The following CNTLN variants were observed in gnomAD, a reference collection of about 807,000 sequenced individuals.
The protein encoded by CNTLN is centlein, centrosomal protein.
CNTLN carries 212 observed loss-of-function variants against 180.0 expected under a neutral mutation model. That is an observed-to-expected ratio of 1.18 (90% CI 1.05 to 1.32). The LOEUF is 1.32. CNTLN is among the 40% of genes most tolerant of loss of function. The pLI, the probability that CNTLN is intolerant of heterozygous loss-of-function variation, is 0.00. For missense variants in CNTLN, 2,095 were observed against 1,610.9 expected, an observed-to-expected ratio of 1.30 and a Z score of -5.14; for synonymous variants, 722 against 563.1, an observed-to-expected ratio of 1.28 and a Z score of -3.99.
At position 17,430,399 on chromosome 9, in the gene CNTLN, T is replaced by C. The variant is rs116775088; in HGVS notation, c.3114+14210T>C. Reference sequence around the variant, plus strand: ...CTCTCTAGTATTCTGTCACACCCCTTATTTACCCATTTTAAAATTATTGAT... The same window carrying C: ...CTCTCTAGTATTCTGTCACACCCCTCATTTACCCATTTTAAAATTATTGAT... On this transcript the variant is annotated intron_variant, in intron 18 of 25. Transcript: ENST00000380647. 7.2e-3 allele frequency among the ~76,000 whole-genome samples: 1,091 copies of C among 152,178 alleles called. 12 individuals are homozygous for C. Among genetic ancestry groups the C allele is most frequent in the African/African-American group, 0.024 (1,011 of 41,562 alleles).
chr9:17,226,402 G>A (rs1412044128), intron 3 of CNTLN, 115 bp downstream of exon 3: 1 of 510,648 alleles, frequency 2.0e-6, no homozygotes, highest in African/African-American at 2.0e-5. Context: ...GGGTCCTTAT[G>A]TTAAAGCATT....
rs578184415 is a variant in CNTLN at position 17,359,051 on chromosome 9, A to T, written c.1887-7566A>T. ...CCCTCTCTTTTTGAAATAAGGTCTTACTTTGTCACTCCGCTGGAGTGCAGT... is the reference window on the plus strand; with the variant it reads ...CCCTCTCTTTTTGAAATAAGGTCTTTCTTTGTCACTCCGCTGGAGTGCAGT... On this transcript the variant is annotated intron_variant, in intron 12 of 25. Transcript: ENST00000380647. 2.1e-3 allele frequency among the ~76,000 whole-genome samples: 308 copies of T among 145,396 alleles called. 1 individual carries two copies. Among genetic ancestry groups the T allele is most frequent in the African/African-American group, 7.6e-3 (295 of 38,590 alleles).
At chr9:17,302,096 A>G (rs1475756880) in intron 7 of CNTLN, 1 of 954,892 alleles carries the variant, frequency 1.0e-6, no homozygotes, top group Non-Finnish European at 1.2e-6. Flanking sequence ...GTGTACACAC[A>G]CACACACACA....
intron 13 of CNTLN, 135 bp from the exon 14 acceptor site, chr9:17,388,027 C>A: frequency 4.7e-6 from 2 of 423,984 alleles, no homozygotes; most frequent in Non-Finnish European, 4.1e-6. Context: ...TGTTTAGTTA[C>A]TGGCCAAATA....
At chr9:17,177,343 A>G (rs1048537612) in intron 2 of CNTLN, among the ~76,000 whole-genome samples, 4 of 151,954 alleles carry the variant, frequency 2.6e-5, no homozygotes, top group Non-Finnish European at 4.4e-5. Flanking sequence ...CGGGAGGCGG[A>G]GCTTGCAGTG....
chr9:17,139,635 G>A (rs1422546519), intron 1 of CNTLN, among the ~76,000 whole-genome samples: 1 of 151,830 alleles, frequency 6.6e-6, no homozygotes, highest in Non-Finnish European at 1.5e-5. Flanking sequence ...ACTCCAGCCT[G>A]GGCAACAGAG....
rs146284520 is a variant in CNTLN, at chr9:17,248,306, G to C, written c.849+11718G>C. 3.3e-5 allele frequency among the ~76,000 whole-genome samples: 5 copies of C among 151,854 alleles called. No individual in the cohort carries two copies. In the East Asian group the frequency reaches 9.7e-4, roughly 29 times the overall value. ...TCTAGTTGTTATAACAGTTTTAGAG[G>C]GTTTGGTATTCTTCTTCAGAAGTTG... On this transcript the variant is annotated intron_variant, in intron 5 of 25. Transcript: ENST00000380647.
At chr9:17,242,821 G>A (rs993436523) in intron 5 of CNTLN, among the ~76,000 whole-genome samples, 1 of 152,216 alleles carries the variant, frequency 6.6e-6, no homozygotes, top group Non-Finnish European at 1.5e-5. Flanking sequence ...TTTTTGATGT[G>A]TCTTTGTCTG....
intron 2 of CNTLN, among the ~76,000 whole-genome samples, chr9:17,225,111 G>C (rs773016428): frequency 6.6e-6 from 1 of 151,848 alleles, no homozygotes; most frequent in African/African-American, 2.4e-5. Context: ...AGGGTGTTTT[G>C]GCTCAACTCT....
intron 5 of CNTLN, 72 bp from the exon 6 acceptor site, chr9:17,273,656 TAATTA>T (rs1364081922): frequency 8.3e-6 from 6 of 720,452 alleles, no homozygotes; most frequent in Non-Finnish European, 1.0e-5. Context: ...TTTTGTAGAA[TAATTA>T]AATATAACAG....
intron 2 of CNTLN, among the ~76,000 whole-genome samples, chr9:17,198,556 T>C (rs1444285068): frequency 2.7e-5 from 4 of 150,478 alleles, no homozygotes; most frequent in Non-Finnish European, 4.4e-5. Flanking sequence ...TTTTTTTAGA[T>C]TATTTGCTGT....
intron 6 of CNTLN, among the ~76,000 whole-genome samples, chr9:17,295,128 CG>C (rs1817777162): frequency 6.6e-6 from 1 of 151,268 alleles, no homozygotes; most frequent in Non-Finnish European, 1.5e-5. Context: ...GCTCTGAGTG[CG>C]GGCCGCCAAG....
chr9:17,499,561 A>C (rs186400600), intron 25 of CNTLN, among the ~76,000 whole-genome samples: 24 of 152,332 alleles, frequency 1.6e-4, no homozygotes, highest in Non-Finnish European at 3.2e-4. Context: ...ATACATATTG[A>C]ATCTGTTCCA....
chr9:17,190,511 C>A (rs186357575), intron 2 of CNTLN, among the ~76,000 whole-genome samples: 1 of 151,618 alleles, frequency 6.6e-6, no homozygotes, highest in East Asian at 1.9e-4. Flanking sequence ...TTTAAATTAC[C>A]AGATATAAAA....
chr9:17,295,467 C>T (rs1194717810), intron 6 of CNTLN, among the ~76,000 whole-genome samples: 1 of 152,034 alleles, frequency 6.6e-6, no homozygotes, highest in African/African-American at 2.4e-5. Context: ...CCCAGGTGGG[C>T]CGTCGCACCA....
chr9:17,286,768 G>A (rs1210471255), intron 6 of CNTLN, among the ~76,000 whole-genome samples: 29 of 108,988 alleles, frequency 2.7e-4, no homozygotes, highest in East Asian at 5.5e-4. Context: ...CTTTGAAGCA[G>A]TTGTGAATGG....
chr9:17,218,812 TG>T (rs1395260597), intron 2 of CNTLN, among the ~76,000 whole-genome samples: 40 of 152,324 alleles, frequency 2.6e-4, no homozygotes, highest in East Asian at 1.2e-3. Flanking sequence ...TATAGTTGGA[TG>T]TTTTTTTAGA....
At chr9:17,203,181 T>C (rs1414176933) in intron 2 of CNTLN, among the ~76,000 whole-genome samples, 2 of 152,178 alleles carry the variant, frequency 1.3e-5, no homozygotes, top group African/African-American at 2.4e-5. Flanking sequence ...TGTTCTGGCT[T>C]GTAAGGTTTC....
intron 2 of CNTLN, among the ~76,000 whole-genome samples, chr9:17,198,528 T>C (rs1822289161): frequency 6.7e-6 from 1 of 150,216 alleles, no homozygotes; most frequent in South Asian, 2.1e-4. Flanking sequence ...TGGGATTACT[T>C]TCTTGATTTT....
Sources: gnomAD v4.1 joint callset for allele counts (sites outside exome capture counted in the v4.1 genomes callset) on GRCh38, gnomAD v4.1.1 for gene constraint, MANE v1.5 for transcripts, NCBI Gene and HGNC (gene_info 2026-07-23, HGNC 2026-07-21) for gene names.